TUSC7: variants seen among roughly 807,000 people sequenced by gnomAD.
The protein encoded by TUSC7 is tumor suppressor candidate 7.
intron 1 of TUSC7, among the ~76,000 whole-genome samples, chr3:116,713,641 T>C (rs1476030265): frequency 6.6e-6 from 1 of 152,204 alleles, no homozygotes; most frequent in South Asian, 2.1e-4. Context: ...GGAACACTTA[T>C]GAGCTGTAAA....
chr3:116,710,519 G>C (rs549071332), intron 1 of TUSC7: 7 of 152,198 alleles, frequency 4.6e-5, no homozygotes, highest in African/African-American at 1.7e-4. Context: ...TGAGATAGAA[G>C]AGTCTCAGCT....
At chr3:116,716,825 G>A (rs374980531) in intron 1 of TUSC7, 7 of 152,152 alleles carry the variant, frequency 4.6e-5, no homozygotes, top group South Asian at 4.2e-4. Flanking sequence ...TCTTCTTGCC[G>A]GACTCTTTTC....
chr3:116,715,153 T>C (rs567145163), intron 1 of TUSC7, among the ~76,000 whole-genome samples: 2 of 152,352 alleles, frequency 1.3e-5, no homozygotes, highest in Admixed American at 1.3e-4. Context: ...TGCATTTTCA[T>C]GGCTTGATAG....
At chr3:116,714,442 C>T (rs1294795635) in intron 1 of TUSC7, among the ~76,000 whole-genome samples, 1 of 152,148 alleles carries the variant, frequency 6.6e-6, no homozygotes, top group Non-Finnish European at 1.5e-5. Context: ...AGTTCTTGAG[C>T]AGTACTTCTC....
intron 1 of TUSC7, among the ~76,000 whole-genome samples, chr3:116,713,375 G>T (rs751042594): frequency 6.6e-6 from 1 of 152,136 alleles, no homozygotes; most frequent in Non-Finnish European, 1.5e-5. Context: ...AATGCAAGAC[G>T]TTGAGACCCA....
At chr3:116,713,797 C>A (rs1017874989) in intron 1 of TUSC7, among the ~76,000 whole-genome samples, 2 of 152,072 alleles carry the variant, frequency 1.3e-5, no homozygotes, top group Non-Finnish European at 2.9e-5. Context: ...AAAACCCTGT[C>A]TCTAGTAAAT....
Position 116,711,761 on chromosome 3 carries a change from T to C in TUSC7, n.98+1885T>C, listed in dbSNP as rs186904147. On this transcript the variant is annotated intron_variant and non_coding_transcript_variant, in intron 1 of 2. Transcript: ENST00000477805. Reference sequence around the variant, plus strand: ...AACGAAACTCAGTTTCAATAAAGCATCTCATGAAATATCTATATTCAGCTT... The same window carrying C: ...AACGAAACTCAGTTTCAATAAAGCACCTCATGAAATATCTATATTCAGCTT... 3.9e-5 allele frequency among the ~76,000 whole-genome samples: 6 copies of C among 152,280 alleles called. No individual in the cohort carries two copies. The East Asian group carries it at 1.2e-3, about 29-fold the overall frequency.
chr3:116,713,743 A>G (rs947135672), intron 1 of TUSC7, among the ~76,000 whole-genome samples: 2 of 152,156 alleles, frequency 1.3e-5, no homozygotes, highest in Non-Finnish European at 2.9e-5. Context: ...AGGTGGTCTC[A>G]TCACCTGAGG....
intron 1 of TUSC7, among the ~76,000 whole-genome samples, chr3:116,711,720 G>C (rs1163495754): frequency 6.6e-6 from 1 of 152,040 alleles, no homozygotes; most frequent in African/African-American, 2.4e-5. Flanking sequence ...AAACACTAAA[G>C]ATAAATTAGG....
chr3:116,715,635 C>T (rs563310380), intron 1 of TUSC7, among the ~76,000 whole-genome samples: 1 of 152,202 alleles, frequency 6.6e-6, no homozygotes, highest in African/African-American at 2.4e-5. Context: ...GGTAAGGTGT[C>T]AGGTAAGTTA....
At chr3:116,710,962 T>C (rs1397840757) in intron 1 of TUSC7, among the ~76,000 whole-genome samples, 1 of 152,138 alleles carries the variant, frequency 6.6e-6, no homozygotes, top group Non-Finnish European at 1.5e-5. Context: ...CAAGGTCACA[T>C]GGCTAGATAA....
intron 1 of TUSC7, chr3:116,716,136 C>G (rs1484460997): frequency 6.6e-6 from 1 of 152,170 alleles, no homozygotes; most frequent in Non-Finnish European, 1.5e-5. Flanking sequence ...GATGAAAGCA[C>G]TGATTTCTAA....
chr3:116,713,736 T>C (rs557704841), intron 1 of TUSC7, among the ~76,000 whole-genome samples: 22 of 152,208 alleles, frequency 1.4e-4, no homozygotes, highest in Non-Finnish European at 2.4e-4. Flanking sequence ...GAGGCCGAGG[T>C]GGTCTCATCA....
intron 1 of TUSC7, among the ~76,000 whole-genome samples, chr3:116,715,255 T>G (rs1018887347): frequency 7.9e-5 from 12 of 152,194 alleles, no homozygotes; most frequent in Admixed American, 1.3e-4. Flanking sequence ...TACTTCTAAG[T>G]TTTGGCAATT....
intron 1 of TUSC7, chr3:116,712,682 A>G (rs2107471726): frequency 6.6e-6 from 1 of 152,288 alleles, no homozygotes; most frequent in East Asian, 1.9e-4. Context: ...TGGTCTGGGG[A>G]ATAAGCAGAG....
At chr3:116,716,285 A>C (rs2107473152) in intron 1 of TUSC7, 1 of 152,290 alleles carries the variant, frequency 6.6e-6, no homozygotes, top group African/African-American at 2.4e-5. Flanking sequence ...GAAATTGTTA[A>C]GTTTTGGCCC....
At chr3:116,712,194 T>C (rs189835147) in intron 1 of TUSC7, among the ~76,000 whole-genome samples, 1 of 152,364 alleles carries the variant, frequency 6.6e-6, no homozygotes, top group East Asian at 1.9e-4. Flanking sequence ...TCTTATCTTA[T>C]TAAATGATGC....
At chr3:116,714,707 C>T (rs1267002885) in intron 1 of TUSC7, among the ~76,000 whole-genome samples, 1 of 152,076 alleles carries the variant, frequency 6.6e-6, no homozygotes, top group Non-Finnish European at 1.5e-5. Flanking sequence ...AGGTTCACAG[C>T]AAAATTAAGA....
At chr3:116,715,497 G>C (rs2051497956) in intron 1 of TUSC7, among the ~76,000 whole-genome samples, 1 of 152,156 alleles carries the variant, frequency 6.6e-6, no homozygotes, top group African/African-American at 2.4e-5. Flanking sequence ...GGTATTACCT[G>C]TGTTCAGGAT....
Sources: gnomAD v4.1 joint callset for allele counts (sites outside exome capture counted in the v4.1 genomes callset) on GRCh38, gnomAD v4.1.1 for gene constraint, MANE v1.5 for transcripts, NCBI Gene and HGNC (gene_info 2026-07-23, HGNC 2026-07-21) for gene names.